CMTM6: variants seen among roughly 807,000 people sequenced by gnomAD.
CMTM6 encodes CKLF-like MARVEL transmembrane domain-containing protein 6.
In CMTM6, 5 loss-of-function variants were observed where a neutral mutation model predicts 13.6. The ratio of observed to expected loss-of-function variants is 0.37; its 90% confidence interval spans 0.19 to 0.77. The LOEUF (loss-of-function observed/expected upper bound fraction) is 0.77. Ranked by LOEUF, CMTM6 falls within the 30% of genes least tolerant of loss-of-function variation. The pLI is 0.50. For missense variants in CMTM6, 196 were observed against 218.6 expected (o/e 0.90, Z 0.65); for synonymous variants, 99 against 84.5 (o/e 1.17, Z -0.94).
At chr3:32,493,419 T>G (rs1697265682) in intron 1 of CMTM6, among the ~76,000 whole-genome samples, 1 of 152,256 alleles carries the variant, frequency 6.6e-6, no homozygotes, top group African/African-American at 2.4e-5. Flanking sequence ...TCAGGTTTTT[T>G]TCTTTTTAAA....
rs1308375162 is a variant in CMTM6 at position 32,499,871 on chromosome 3, T to C, written c.138+2737A>G. 2.8e-5 allele frequency among the ~76,000 whole-genome samples: 4 copies of C among 143,988 alleles called. No homozygotes were observed. The Admixed American group carries it at 2.8e-4, about 10-fold the overall frequency. 94.5% of individuals were successfully genotyped at this position (143,988 alleles called of 152,430 possible). On this transcript the variant is annotated intron_variant, in intron 1 of 3. Transcript: ENST00000205636. ...TTCAATATTCAATTCAGTTCTGTAA[T>C]AGCAAACCCCATGGAGCCTCAGAGG...
chr3:32,495,737 G>A (rs535766089), intron 1 of CMTM6, among the ~76,000 whole-genome samples: 1 of 152,298 alleles, frequency 6.6e-6, no homozygotes, highest in South Asian at 2.1e-4. Flanking sequence ...ACAGGATCCA[G>A]CTTGTCCAGA....
chr3:32,500,530 A>C (rs1697335319), intron 1 of CMTM6, among the ~76,000 whole-genome samples: 1 of 152,220 alleles, frequency 6.6e-6, no homozygotes, highest in Admixed American at 6.5e-5. Flanking sequence ...CCCATAAACA[A>C]ATAAATGGAT....
At chr3:32,491,575 A>C in intron 2 of CMTM6, 135 bp downstream of exon 2, 2 of 698,336 alleles carry the variant, frequency 2.9e-6, no homozygotes, top group Admixed American at 3.4e-5. Flanking sequence ...GGTGCTTAGA[A>C]GCAGAGCGAG....
chr3:32,483,783 A>G lies in CMTM6; in HGVS notation c.*177T>C, dbSNP rs1402063601. On this transcript the variant is annotated 3_prime_UTR_variant, in exon 4 of 4. Coordinates refer to ENST00000205636, the MANE Select transcript of CMTM6 (RefSeq NM_017801.3). ...TTTAAAAAAAAATTTTTTTTAACTT[A>G]TCTGGCCTACTTTGTGGTGACTGAC... is the stretch of plus-strand genomic sequence containing the variant. 3.8e-6 allele frequency: 2 copies of G among 523,978 alleles called. No homozygotes were observed. The highest frequency in any genetic ancestry group is 1.6e-4 in the South Asian group (2 of 12,324). The allele number at this position is 523,978 out of a possible 1,614,324, so 32.5% of individuals were successfully genotyped here.
intron 3 of CMTM6, among the ~76,000 whole-genome samples, chr3:32,485,294 C>T (rs1469277593): frequency 6.6e-6 from 1 of 151,216 alleles, no homozygotes; most frequent in Non-Finnish European, 1.5e-5. Flanking sequence ...TAAATAGTTA[C>T]AAAAGGTAAT....
intron 1 of CMTM6, among the ~76,000 whole-genome samples, chr3:32,494,385 G>C (rs1319077330): frequency 1.3e-5 from 2 of 152,160 alleles, no homozygotes; most frequent in Non-Finnish European, 2.9e-5. Flanking sequence ...AAAATCAACA[G>C]ATACATTTCA....
chr3:32,502,644 G>T lies in CMTM6; in HGVS notation c.102C>A (p.Leu34=), dbSNP rs199588531. 142 of 1,596,062 alleles carry T rather than the reference G, an allele frequency of 8.9e-5. No individual in the cohort carries two copies. Among genetic ancestry groups the T allele is most frequent in the Non-Finnish European group, 1.1e-4 (132 of 1,173,144 alleles). Reference sequence around the variant, plus strand: ...CCTTGAGAACGCGCCGGAGCAATGGGAGCCGGCCCATGAAAAAGTAGGCAG... The same window carrying T: ...CCTTGAGAACGCGCCGGAGCAATGGTAGCCGGCCCATGAAAAAGTAGGCAG... ...GLAAYFFMGR[L]PLLRRVLKGL... is the part of the protein sequence containing the mutation. Residue 34 remains leucine, a synonymous_variant, in exon 1 of 4, where the codon CTC becomes CTA. Coordinates refer to ENST00000205636, the MANE Select transcript of CMTM6 (RefSeq NM_017801.3).
chr3:32,490,706 C>CT (rs1204777112), intron 2 of CMTM6, among the ~76,000 whole-genome samples: 14 of 152,230 alleles, frequency 9.2e-5, no homozygotes, highest in Admixed American at 3.9e-4. Flanking sequence ...GATCAGTGTG[C>CT]TTTAAACACT....
At chr3:32,499,760 A>G (rs940003430) in intron 1 of CMTM6, among the ~76,000 whole-genome samples, 17 of 152,162 alleles carry the variant, frequency 1.1e-4, no homozygotes, top group African/African-American at 3.6e-4. Flanking sequence ...TAAATGGCAG[A>G]CACAGCTATG....
chr3:32,486,919 T>C (rs1376717575), intron 3 of CMTM6, among the ~76,000 whole-genome samples: 1 of 152,220 alleles, frequency 6.6e-6, no homozygotes, highest in Non-Finnish European at 1.5e-5. Flanking sequence ...TGTGCCTGCT[T>C]CCGCCTCGCC....
chr3:32,485,249 C>T (rs549440706), intron 3 of CMTM6, among the ~76,000 whole-genome samples: 1 of 151,728 alleles, frequency 6.6e-6, no homozygotes, highest in Non-Finnish European at 1.5e-5. Context: ...AAAGAACTTC[C>T]TCATGCATTT....
intron 2 of CMTM6, among the ~76,000 whole-genome samples, chr3:32,489,269 C>CAAA (rs34775532): frequency 3.4e-4 from 32 of 94,616 alleles, no homozygotes; most frequent in African/African-American, 9.7e-4. Context: ...GACTCCATCT[C>CAAA]AAAAAAAAAA....
intron 3 of CMTM6, among the ~76,000 whole-genome samples, chr3:32,485,228 TA>T (rs563553514): frequency 3.0e-3 from 422 of 141,348 alleles, no homozygotes; most frequent in Middle Eastern, 3.5e-3. Flanking sequence ...ACTTCTGAAT[TA>T]AAAAAAAAAA....
chr3:32,501,296 C>CCTAAAAATT (rs1299534541), intron 1 of CMTM6, among the ~76,000 whole-genome samples: 6 of 151,414 alleles, frequency 4.0e-5, no homozygotes, highest in Non-Finnish European at 8.8e-5. Context: ...ACAGCTAATA[C>CCTAAAAATT]CTAAAAATCA....
In CMTM6 at chr3:32,484,115, G is replaced by T; in HGVS notation, c.415-18C>A. 1.3e-6 allele frequency: 2 copies of T among 1,560,314 alleles called. No individual in the cohort carries two copies. Among genetic ancestry groups the T allele is most frequent in the Non-Finnish European group, 8.6e-7 (1 of 1,156,414 alleles). ...CCAAACACCTGAGGAAAAAAAGGAG[G>T]AAAGGTTATATGAGAATTTTGGAAT... On this transcript the variant is annotated intron_variant, in intron 3 of 3. Coordinates refer to ENST00000205636, the MANE Select transcript of CMTM6 (RefSeq NM_017801.3).
At chr3:32,494,322 C>CAGTAGAAGCCAGTAGAAGCA (rs1176516294) in intron 1 of CMTM6, among the ~76,000 whole-genome samples, 1 of 152,152 alleles carries the variant, frequency 6.6e-6, no homozygotes, top group Non-Finnish European at 1.5e-5. Flanking sequence ...CTTCTCACTC[C>CAGTAGAAGCCAGTAGAAGCA]AGTCAGGCCA....
intron 2 of CMTM6, among the ~76,000 whole-genome samples, chr3:32,488,755 T>C (rs926241460): frequency 3.3e-5 from 5 of 152,206 alleles, no homozygotes; most frequent in African/African-American, 7.2e-5. Context: ...AAAGCTTCCA[T>C]ATCTTATCAT....
intron 3 of CMTM6, among the ~76,000 whole-genome samples, chr3:32,484,461 C>T (rs1212183951): frequency 3.3e-5 from 5 of 151,800 alleles, no homozygotes; most frequent in East Asian, 1.9e-4. Context: ...CCCACAGATG[C>T]GATAAGGAAA....
Sources: gnomAD v4.1 joint callset for allele counts (sites outside exome capture counted in the v4.1 genomes callset) on GRCh38, gnomAD v4.1.1 for gene constraint, MANE v1.5 for transcripts, NCBI Gene and HGNC (gene_info 2026-07-23, HGNC 2026-07-21) for gene names.